HECW2: variants seen among roughly 807,000 people sequenced by gnomAD.
HECW2 encodes the protein HECT, C2 and WW domain containing E3 ubiquitin protein ligase 2.
A neutral mutation model predicts 175.2 loss-of-function variants in HECW2; 61 were observed. That is an observed-to-expected ratio of 0.35 (90% CI 0.28 to 0.43). The LOEUF (loss-of-function observed/expected upper bound fraction) is 0.43, where lower values mean the gene tolerates loss of function less well. HECW2 is among the 20% of genes least tolerant of loss of function. HECW2 has a pLI of 1.00. For synonymous variants in HECW2, 671 were observed against 731.0 expected, an observed-to-expected ratio of 0.92 and a Z score of 1.32; for missense variants, 1,524 against 2,000.5, an observed-to-expected ratio of 0.76 and a Z score of 4.54.
At chr2:196,331,219 G>A (rs940398347) in intron 4 of HECW2, 99 of 984,868 alleles carry the variant, frequency 1.0e-4, no homozygotes, top group Non-Finnish European at 1.2e-4. Context: ...TCCAATTCCT[G>A]GGTCATAGAG....
intron 14 of HECW2, among the ~76,000 whole-genome samples, chr2:196,282,617 A>G (rs1690228662): frequency 6.6e-6 from 1 of 152,218 alleles, no homozygotes; most frequent in Non-Finnish European, 1.5e-5. Context: ...TTATTATCTA[A>G]AGATCTGGAA....
chr2:196,318,891 G>T lies in HECW2; in HGVS notation c.1999C>A (p.Arg667=), dbSNP rs1349476231. Residue 667 remains arginine, a synonymous_variant, in exon 9 of 29, where the codon CGG becomes AGG. Transcript: ENST00000644978. ...GAAAAGGCTGGGGTTTCAGGAAACC[G>T]TGCGCTCTCAAGAGAGGAGCACCGT... ...DTRCSSLESA[R]FPETPAFSSQ... 6.4e-7 allele frequency: 1 copy of T among 1,562,342 alleles called. No individual in the cohort carries two copies. Among genetic ancestry groups the T allele is most frequent in the South Asian group, 1.2e-5 (1 of 81,690 alleles).
In HECW2 at chr2:196,258,080, A is replaced by AGG. The variant is rs34136527; in HGVS notation, c.3336-176_3336-175dup. 1.3e-5 allele frequency: 7 copies of AGG among 556,146 alleles called. No individual in the cohort carries two copies. In the South Asian group the frequency reaches 1.6e-4, roughly 13 times the overall value. 34.5% of individuals were successfully genotyped at this position (556,146 alleles called of 1,614,324 possible). ...AAGAGAGACATGGTCTTTGCCTTCA[A>AGG]GGGGGGGGATCTTGTAAGCATCAAC... On this transcript the variant is annotated intron_variant, in intron 17 of 28. Transcript: ENST00000644978.
chr2:196,524,994 C>A (rs1159017486), intron 1 of HECW2, among the ~76,000 whole-genome samples: 1 of 140,094 alleles, frequency 7.1e-6, no homozygotes, highest in Non-Finnish European at 1.5e-5. Context: ...CTATTAGGTC[C>A]GCTTGGTGCA....
chr2:196,270,274 A>T (rs1362926221), intron 17 of HECW2, among the ~76,000 whole-genome samples: 1 of 152,208 alleles, frequency 6.6e-6, no homozygotes, highest in African/African-American at 2.4e-5. Context: ...TCAAGGAGGG[A>T]AAGCTTCTGC....
chr2:196,521,282 C>CAAAAAAAAAAAAAAAAAAAA (rs1158051512), intron 1 of HECW2, among the ~76,000 whole-genome samples: 19 of 53,680 alleles, frequency 3.5e-4, no homozygotes, highest in Non-Finnish European at 4.0e-4. Flanking sequence ...ACGTGAGTAA[C>CAAAAAAAAAAAAAAAAAAAA]AAAAAAAAAA....
intron 1 of HECW2, among the ~76,000 whole-genome samples, chr2:196,503,421 G>C (rs899546951): frequency 6.6e-6 from 1 of 152,192 alleles, no homozygotes; most frequent in African/African-American, 2.4e-5. Flanking sequence ...GCAGTAGTGG[G>C]TTCATCTACA....
rs148516601 is a variant in HECW2, at chr2:196,493,577, A to G, written c.-35-60119T>C. Among the ~76,000 whole-genome samples the G allele has an allele frequency of 1.4e-4, 22 of 152,328 alleles. 1 individual carries two copies. The highest frequency in any genetic ancestry group is 9.6e-4 in the East Asian group (5 of 5,196). ...TCACAGCAAACAAATTCAAAAATGA[A>G]TAAGTAGACTGATTCACCACAAATT... is the stretch of plus-strand genomic sequence containing the variant. On this transcript the variant is annotated intron_variant, in intron 1 of 28. Coordinates refer to ENST00000644978, the MANE Select transcript of HECW2 (RefSeq NM_001348768.2).
At chr2:196,231,543 C>T (rs1003016401) in intron 21 of HECW2, among the ~76,000 whole-genome samples, 9 of 152,202 alleles carry the variant, frequency 5.9e-5, no homozygotes, top group East Asian at 5.8e-4. Context: ...TGATGTTGTC[C>T]GCTTTCCTGC....
At chr2:196,484,927 T>C (rs992363270) in intron 1 of HECW2, among the ~76,000 whole-genome samples, 8 of 152,146 alleles carry the variant, frequency 5.3e-5, no homozygotes, top group African/African-American at 1.2e-4. Context: ...TTTGGGTAGG[T>C]AGCAAGATGA....
At chr2:196,512,980 C>T (rs1276817307) in intron 1 of HECW2, among the ~76,000 whole-genome samples, 1 of 152,150 alleles carries the variant, frequency 6.6e-6, no homozygotes, top group East Asian at 1.9e-4. Context: ...GCATGAGCCA[C>T]CATGCCTAGC....
intron 1 of HECW2, among the ~76,000 whole-genome samples, chr2:196,460,776 A>ATTTT (rs201916150): frequency 6.9e-5 from 8 of 116,084 alleles, no homozygotes; most frequent in Non-Finnish European, 1.5e-4. Flanking sequence ...ACACCTGGCA[A>ATTTT]TTTTTTTTTT....
At chr2:196,331,286 G>C (rs1413608497) in intron 4 of HECW2, 1 of 984,594 alleles carries the variant, frequency 1.0e-6, no homozygotes, top group Non-Finnish European at 1.2e-6. Context: ...CTCTGACTCA[G>C]CGTTTCCAGA....
At chr2:196,255,947 C>T (rs983517948) in intron 18 of HECW2, among the ~76,000 whole-genome samples, 1 of 152,112 alleles carries the variant, frequency 6.6e-6, no homozygotes, top group Non-Finnish European at 1.5e-5. Flanking sequence ...GTGGCTTGCA[C>T]CTGTACTCCC....
chr2:196,448,983 G>C (rs1403351269), intron 1 of HECW2, among the ~76,000 whole-genome samples: 1 of 152,176 alleles, frequency 6.6e-6, no homozygotes, highest in African/African-American at 2.4e-5. Context: ...TCAAGCATGT[G>C]AACACTTGTA....
chr2:196,428,275 G>C (rs541143884), intron 2 of HECW2, among the ~76,000 whole-genome samples: 1 of 152,150 alleles, frequency 6.6e-6, no homozygotes, highest in Non-Finnish European at 1.5e-5. Flanking sequence ...CTGAAGGGGA[G>C]AGGCTGCTTC....
intron 2 of HECW2, among the ~76,000 whole-genome samples, chr2:196,368,356 T>C (rs1693810097): frequency 6.6e-6 from 1 of 152,218 alleles, no homozygotes; most frequent in Non-Finnish European, 1.5e-5. Flanking sequence ...CTAGATATAT[T>C]GGAAGTCCAT....
chr2:196,377,764 T>A (rs1186245962), intron 2 of HECW2, among the ~76,000 whole-genome samples: 2 of 152,240 alleles, frequency 1.3e-5, no homozygotes, highest in Non-Finnish European at 1.5e-5. Flanking sequence ...AAATTTCTCA[T>A]GCAATAACAA....
chr2:196,562,528 A>G (rs1483354013), intron 1 of HECW2, among the ~76,000 whole-genome samples: 1 of 152,238 alleles, frequency 6.6e-6, no homozygotes, highest in Non-Finnish European at 1.5e-5. Flanking sequence ...GAAGCAATTT[A>G]GATATTGTCC....
Sources: allele counts gnomAD v4.1 joint callset (sites outside exome capture counted in the v4.1 genomes callset), GRCh38; gene constraint gnomAD v4.1.1; transcripts MANE v1.5; gene names NCBI Gene and HGNC (gene_info 2026-07-23, HGNC 2026-07-21).